The following MAP7D3 variants were observed in gnomAD, a reference collection of about 807,000 sequenced individuals.
MAP7D3 encodes MAP7 domain-containing protein 3.
MAP7D3 carries 45 observed loss-of-function variants against 62.2 expected under a neutral mutation model. The ratio of observed to expected loss-of-function variants is 0.72; its 90% CI spans 0.57 to 0.93. The LOEUF is 0.93. Ranked by LOEUF, MAP7D3 falls within the 40% of genes least tolerant of loss-of-function variation. The pLI is 0.00. For synonymous variants in MAP7D3, 288 were observed against 248.8 expected (o/e 1.16, Z -1.48); for missense variants, 711 against 683.1 (o/e 1.04, Z -0.45).
chrX:136,225,610 C>G lies in MAP7D3; in HGVS notation c.2139+299G>C, dbSNP rs139358403. 2.2e-3 allele frequency among the ~76,000 whole-genome samples: 250 copies of G among 112,039 alleles called. 2 individuals are homozygous for G. The highest frequency in any genetic ancestry group is 7.7e-3 in the African/African-American group (236 of 30,848). On this transcript the variant is annotated intron_variant, in intron 13 of 18. Transcript: ENST00000316077. Reference sequence around the variant, plus strand: ...GAAGAAAGTCTTAACTTCTACCAACCCCTACCATGACTGGAGTCCTTCTGC... The same window carrying G: ...GAAGAAAGTCTTAACTTCTACCAACGCCTACCATGACTGGAGTCCTTCTGC...
intron 16 of MAP7D3, 129 bp from the exon 17 acceptor site, chrX:136,219,800 A>G (rs2074102481): frequency 1.7e-6 from 1 of 583,687 alleles, no homozygotes; most frequent in Non-Finnish European, 3.0e-6. Flanking sequence ...GAATCATAGA[A>G]CAGGATGACT....
intron 4 of MAP7D3, 25 bp downstream of exon 4, chrX:136,244,607 A>G: frequency 1.7e-6 from 2 of 1,193,729 alleles, no homozygotes. Context: ...TTATCCTCTC[A>G]TGCACAGGCT....
At chrX:136,221,772 T>C (rs1344894073) in intron 15 of MAP7D3, 1 of 112,799 alleles carries the variant, frequency 8.9e-6, no homozygotes, top group Non-Finnish European at 1.9e-5. Flanking sequence ...TTTGCTCATA[T>C]GTTTGTCTTC....
intron 11 of MAP7D3, among the ~76,000 whole-genome samples, chrX:136,228,132 G>C (rs1448558024): frequency 8.9e-6 from 1 of 112,004 alleles, no homozygotes; most frequent in Non-Finnish European, 1.9e-5. Context: ...CATGAGATTT[G>C]CTGCCCACAA....
intron 7 of MAP7D3, among the ~76,000 whole-genome samples, chrX:136,235,351 T>C (rs1327003381): frequency 2.7e-5 from 3 of 112,532 alleles, no homozygotes. Context: ...GGATTTGACC[T>C]GAATCAATTA....
chrX:136,249,370 C>T (rs1280485413), intron 1 of MAP7D3, among the ~76,000 whole-genome samples: 1 of 112,454 alleles, frequency 8.9e-6, no homozygotes, highest in Non-Finnish European at 1.9e-5. Context: ...AAAGGTGATA[C>T]GTCAGTGGCA....
Position 136,236,235 on chromosome X carries a change from G to A in MAP7D3, c.736+9C>T, listed in dbSNP as rs2074327948. On this transcript the variant is annotated intron_variant, in intron 7 of 18. Transcript: ENST00000316077. Reference sequence around the variant, plus strand: ...CACTATTTAAAATTTGTATTTAGAAGTAACTAACCACGTGGCTTCCTTTCG... The same window carrying A: ...CACTATTTAAAATTTGTATTTAGAAATAACTAACCACGTGGCTTCCTTTCG... 4 of 1,081,221 alleles carry A rather than the reference G, an allele frequency of 3.7e-6. No individual in the cohort carries two copies. Among genetic ancestry groups the A allele is most frequent in the Non-Finnish European group, 5.1e-6 (4 of 790,585 alleles). 89.1% of individuals were successfully genotyped at this position (1,081,221 alleles called of 1,213,427 possible). A position where few individuals can be genotyped will look rare whatever the true frequency, so the allele number is the denominator to read the frequency against.
At chrX:136,244,150 G>A (rs1324972221) in intron 4 of MAP7D3, among the ~76,000 whole-genome samples, 1 of 111,199 alleles carries the variant, frequency 9.0e-6, no homozygotes, top group African/African-American at 3.3e-5. Flanking sequence ...GCACCAGAGG[G>A]AGCCAGGGAA....
chrX:136,222,257 C>CATTAATT (rs1398121465), intron 15 of MAP7D3, 136 bp downstream of exon 15: 17 of 445,491 alleles, frequency 3.8e-5, no homozygotes, highest in Non-Finnish European at 5.4e-5. Flanking sequence ...AGGAAAAGGA[C>CATTAATT]ATTAGCTTCC....
At chrX:136,251,503 G>T, upstream of MAP7D3, 1 of 822,638 alleles carries the variant, frequency 1.2e-6, no homozygotes, top group Non-Finnish European at 1.5e-6. Flanking sequence ...CACCGCGCCC[G>T]CCTCGGACCT....
rs143066834 is a variant in MAP7D3 at position 136,218,201 on chromosome X, G to A, written c.*325C>T. On this transcript the variant is annotated 3_prime_UTR_variant, in exon 19 of 19. Transcript: ENST00000316077. ...AAGCATCCTTGATGCACTCACTCCA[G>A]CAAACACATTGGTGGGACAACACAA... 20 of 112,352 alleles carry A rather than the reference G, an allele frequency of 1.8e-4. No homozygotes were observed. In the East Asian group the frequency reaches 5.6e-3, roughly 31 times the overall value. The allele number at this position is 112,352 out of a possible 1,213,427, so 9.3% of individuals were successfully genotyped here.
upstream of MAP7D3, among the ~76,000 whole-genome samples, chrX:136,252,544 G>C (rs1157887645): frequency 2.9e-5 from 3 of 104,826 alleles, no homozygotes; most frequent in Admixed American, 3.1e-4. Context: ...GGGCATGGTG[G>C]TGGGTGCCTG....
chrX:136,241,949 A>C (rs2148417975), intron 4 of MAP7D3, among the ~76,000 whole-genome samples: 1 of 111,817 alleles, frequency 8.9e-6, no homozygotes, highest in South Asian at 3.8e-4. Flanking sequence ...TCTTCTCTCA[A>C]ATATTTCTCA....
rs376177868 is a variant in MAP7D3 at position 136,247,233 on chromosome X, G to GTTA, written c.71-895_71-893dup. On this transcript the variant is annotated intron_variant, in intron 1 of 18. Coordinates refer to ENST00000316077, the MANE Select transcript of MAP7D3 (RefSeq NM_024597.4). ...TAAAATTCCAGGATGACACACATGA[G>GTTA]TTATTATAGGGGAATCCCTGAACCC... Among the ~76,000 whole-genome samples the GTTA allele has an allele frequency of 1.1e-3, 126 of 112,386 alleles. 1 individual carries two copies. The highest frequency in any genetic ancestry group is 3.9e-3 in the African/African-American group (120 of 30,962).
intron 8 of MAP7D3, 73 bp from the exon 9 acceptor site, chrX:136,231,039 T>C (rs1159961631): frequency 2.4e-6 from 2 of 823,142 alleles, no homozygotes; most frequent in East Asian, 6.6e-5. Context: ...TTTTTTTTTT[T>C]TTGAAGAGAA....
At chrX:136,221,068 G>C (rs1255208443) in intron 15 of MAP7D3, 105 bp from the exon 16 acceptor site, 1 of 580,663 alleles carries the variant, frequency 1.7e-6, no homozygotes. Context: ...CTGCCTGCCT[G>C]AAGGCAGGAA....
rs748198519 is a variant in MAP7D3 at position 136,222,400 on chromosome X, A to C, written c.2280T>G (p.Phe760Leu). ...TCCTAAATGGTGACTAACCTGATGG[A>C]AACATTTCATTCAATGAGTCCTTGT... Reference protein sequence around the residue: ...ESDKDSLNEMFPSAILNGTGS... With the variant: ...ESDKDSLNEMLPSAILNGTGS... The change falls in exon 15 of 19, where the codon TTT (phenylalanine) becomes TTG (leucine). Residue 760 changes from phenylalanine to leucine, a missense_variant. By Grantham distance (22) the Phe-to-Leu change is conservative. Coordinates refer to ENST00000316077, the MANE Select transcript of MAP7D3 (RefSeq NM_024597.4). The C allele has an allele frequency of 2.3e-5, 28 of 1,203,667 alleles. No individual in the cohort carries two copies. The highest frequency in any genetic ancestry group is 2.3e-4 in the South Asian group (13 of 56,611).
chrX:136,219,839 A>G, intron 16 of MAP7D3, 168 bp from the exon 17 acceptor site: 2 of 515,769 alleles, frequency 3.9e-6, no homozygotes, highest in South Asian at 5.4e-5. Flanking sequence ...CACAGGACAC[A>G]CTGATTTTCA....
chrX:136,216,388 AAGAG>A (rs1260993473), downstream of MAP7D3, among the ~76,000 whole-genome samples: 1 of 105,553 alleles, frequency 9.5e-6, no homozygotes, highest in Non-Finnish European at 1.9e-5. Context: ...AAAAGAAAAA[AAGAG>A]AAGAAGAAAG....
Sources: gnomAD v4.1 joint callset for allele counts (sites outside exome capture counted in the v4.1 genomes callset) on GRCh38, gnomAD v4.1.1 for gene constraint, MANE v1.5 for transcripts, NCBI Gene and HGNC (gene_info 2026-07-23, HGNC 2026-07-21) for gene names.